The following TRMT44 variants were observed in gnomAD, a reference collection of about 807,000 sequenced individuals.
The protein encoded by TRMT44 is probable tRNA (uracil-O(2)-)-methyltransferase.
A neutral mutation model predicts 77.3 loss-of-function variants in TRMT44; 78 were observed. The ratio of observed to expected loss-of-function variants is 1.01; its 90% CI spans 0.84 to 1.22. The LOEUF (loss-of-function observed/expected upper bound fraction) is 1.22, where lower values mean the gene tolerates loss of function less well. TRMT44 is among the 50% of genes most tolerant of loss of function. The pLI, the probability that TRMT44 is intolerant of heterozygous loss-of-function variation, is 0.00. For synonymous variants in TRMT44, 391 were observed against 383.3 expected, an observed-to-expected ratio of 1.02 and a Z score of -0.23; for missense variants, 1,090 against 964.4, an observed-to-expected ratio of 1.13 and a Z score of -1.73.
chr4:8,496,874 T>G (rs1728165753), downstream of TRMT44, among the ~76,000 whole-genome samples: 1 of 152,002 alleles, frequency 6.6e-6, no homozygotes, highest in Non-Finnish European at 1.5e-5. Flanking sequence ...AGTTTAGTGA[T>G]TTTTAATGAA....
At chr4:8,483,794 A>C (rs1727712771) in intron 2 of TRMT44, among the ~76,000 whole-genome samples, 1 of 152,232 alleles carries the variant, frequency 6.6e-6, no homozygotes, top group African/African-American at 2.4e-5. Context: ...GTCTGACAGA[A>C]GGGAAGAAAT....
rs150367038 is a variant in TRMT44 at position 8,466,748 on chromosome 4, T to TCGC, written c.1495-1165_1495-1163dup. On this transcript the variant is annotated intron_variant, in intron 8 of 10. Coordinates refer to ENST00000389737, the MANE Select transcript of TRMT44 (RefSeq NM_152544.3). Reference sequence around the variant, plus strand: ...ACTAATTGGTAGAGACCGTGGACTGTCGCTTCATCTCTCTGAGCTTCAGTT... The same window carrying TCGC: ...ACTAATTGGTAGAGACCGTGGACTGTCGCCGCTTCATCTCTCTGAGCTTCAGTT... Among the ~76,000 whole-genome samples the TCGC allele has an allele frequency of 6.5e-3, 984 of 152,346 alleles. 14 individuals carry two copies. The highest frequency in any genetic ancestry group is 0.022 in the African/African-American group (927 of 41,574).
chr4:8,455,162 G>A (rs1206771244), intron 6 of TRMT44, among the ~76,000 whole-genome samples: 13 of 152,216 alleles, frequency 8.5e-5, no homozygotes, highest in Admixed American at 6.5e-4. Context: ...CCTCCCAAAG[G>A]CTGCTCGTTC....
At chr4:8,494,637 G>A (rs1358086043), downstream of TRMT44, among the ~76,000 whole-genome samples, 1 of 152,164 alleles carries the variant, frequency 6.6e-6, no homozygotes, top group African/African-American at 2.4e-5. Context: ...CCCTAAAAAT[G>A]TATAAAAGCA....
Position 8,441,021 on chromosome 4 carries a change from C to T in TRMT44, c.199C>T (p.Gln67Ter). 1.3e-6 allele frequency: 2 copies of T among 1,506,636 alleles called. No individual in the cohort carries two copies. The highest frequency in any genetic ancestry group is 1.3e-5 in the South Asian group (1 of 79,554). 93.3% of individuals were successfully genotyped at this position (1,506,636 alleles called of 1,614,324 possible). The change falls in exon 1 of 11, where the codon CAG becomes TAG. Residue 67 changes from glutamine (Q) to a stop codon, truncating the protein, a stop_gained. Transcript: ENST00000389737. LOFTEE classifies it high-confidence loss of function. Reference protein sequence around the residue: ...RGPGTSAGSEQKERGPGPGQG... With the variant: ...RGPGTSAGSE ...CCCCGGGACTAGCGCAGGCTCGGAG[C>T]AGAAGGAGCGGGGTCCGGGACCCGG...
chr4:8,463,232 C>G (rs1317976163), intron 6 of TRMT44, among the ~76,000 whole-genome samples: 1 of 152,202 alleles, frequency 6.6e-6, no homozygotes, highest in African/African-American at 2.4e-5. Context: ...TGTGGTCTCT[C>G]TTCCCCCTCT....
rs531839784 is a variant in TRMT44, at chr4:8,462,785, G to C, written c.1204-1200G>C. 2.0e-5 allele frequency among the ~76,000 whole-genome samples: 3 copies of C among 152,282 alleles called. No homozygotes were observed. The South Asian group carries it at 6.2e-4, about 32-fold the overall frequency. On this transcript the variant is annotated intron_variant, in intron 6 of 10. Transcript: ENST00000389737. ...CTTTGATATCTAGTGCTGTTGGCAA[G>C]ATAATATAAAATATGATTATGGTCT...
intron 8 of TRMT44, among the ~76,000 whole-genome samples, chr4:8,466,945 C>A (rs901387044): frequency 1.3e-5 from 2 of 152,172 alleles, no homozygotes; most frequent in Non-Finnish European, 2.9e-5. Flanking sequence ...GTGGCTGTCA[C>A]GTAGTGAGGA....
intron 8 of TRMT44, among the ~76,000 whole-genome samples, chr4:8,467,661 A>G (rs1726681532): frequency 6.6e-6 from 1 of 152,118 alleles, no homozygotes; most frequent in South Asian, 2.1e-4. Flanking sequence ...TTGTATTTGT[A>G]GTAGAGACGG....
chr4:8,459,143 G>A (rs937201200), intron 6 of TRMT44, among the ~76,000 whole-genome samples: 2 of 152,154 alleles, frequency 1.3e-5, no homozygotes, highest in Admixed American at 6.5e-5. Flanking sequence ...TTGAGACTGC[G>A]GTGAGCCAAG....
chr4:8,503,237 C>A, the TRMT44 span, among the ~76,000 whole-genome samples: 1 of 152,242 alleles, frequency 6.6e-6, no homozygotes, highest in African/African-American at 2.4e-5. Context: ...GCTCTGCACA[C>A]ACACCCTTGA....
At chr4:8,468,855 T>C (rs893620477) in intron 9 of TRMT44, among the ~76,000 whole-genome samples, 1 of 152,362 alleles carries the variant, frequency 6.6e-6, no homozygotes, top group African/African-American at 2.4e-5. Context: ...GAGTGGTGTG[T>C]TGAAATTAAC....
intron 6 of TRMT44, 120 bp from the exon 7 acceptor site, chr4:8,463,865 G>C: frequency 1.3e-6 from 1 of 768,432 alleles, no homozygotes; most frequent in Admixed American, 2.3e-5. Flanking sequence ...TCATGCAGCA[G>C]GTGAACTGCG....
chr4:8,514,946 G>A, the TRMT44 span, among the ~76,000 whole-genome samples: 1 of 152,086 alleles, frequency 6.6e-6, no homozygotes, highest in African/African-American at 2.4e-5. Flanking sequence ...GCACTTGGCG[G>A]GGCACCATTC....
the TRMT44 span, among the ~76,000 whole-genome samples, chr4:8,504,543 GCCGAGT>G: frequency 6.6e-6 from 1 of 152,096 alleles, no homozygotes; most frequent in African/African-American, 2.4e-5. This position sits in a 1 kb window ranked among gnomAD's most constrained non-coding sequence, Gnocchi z 5.3. Context: ...GTGGACCTGT[GCCGAGT>G]CTGTAGTGTG....
intron 2 of TRMT44, among the ~76,000 whole-genome samples, chr4:8,448,805 A>G (rs940457181): frequency 3.9e-5 from 6 of 152,232 alleles, no homozygotes; most frequent in Admixed American, 6.5e-5. Flanking sequence ...ACCACTTGCC[A>G]TTGTCCCCTC....
chr4:8,469,708 C>T (rs1560238484), intron 9 of TRMT44, among the ~76,000 whole-genome samples: 1 of 152,210 alleles, frequency 6.6e-6, no homozygotes, highest in African/African-American at 2.4e-5. Flanking sequence ...CCGTCCCCTC[C>T]AGATGGGTGT....
intron 2 of TRMT44, chr4:8,493,258 T>A (rs1728061786): frequency 6.6e-6 from 1 of 152,180 alleles, no homozygotes; most frequent in Admixed American, 6.5e-5. Flanking sequence ...GCTTAACATC[T>A]TTTACAGACC....
At chr4:8,486,760 C>T (rs565926902) in intron 2 of TRMT44, among the ~76,000 whole-genome samples, 1 of 152,062 alleles carries the variant, frequency 6.6e-6, no homozygotes, top group Admixed American at 6.5e-5. Context: ...GAGTAAATTG[C>T]TGGGCAGATG....
Sources: allele counts gnomAD v4.1 joint callset (sites outside exome capture counted in the v4.1 genomes callset), GRCh38; gene constraint gnomAD v4.1.1; non-coding constraint Gnocchi (gnomAD v3.1); transcripts MANE v1.5; gene names NCBI Gene and HGNC (gene_info 2026-07-23, HGNC 2026-07-21).